The following ROBO1 variants were observed in gnomAD, a reference collection of about 807,000 sequenced individuals.
The protein encoded by ROBO1 is roundabout guidance receptor 1.
ROBO1 carries 149 observed loss-of-function variants against 195.9 expected under a neutral mutation model. The ratio of observed to expected loss-of-function variants is 0.76; its 90% CI spans 0.67 to 0.87. The LOEUF (loss-of-function observed/expected upper bound fraction) is 0.87. ROBO1 is among the 40% of genes least tolerant of loss of function. The probability of loss-of-function intolerance (pLI) is 0.00; values close to 1 mark genes in which losing one functional copy is unlikely to be tolerated. For missense variants in ROBO1, 1,933 were observed against 2,068.3 expected, an observed-to-expected ratio of 0.93 and a Z score of 1.27; for synonymous variants, 816 against 733.2, an observed-to-expected ratio of 1.11 and a Z score of -1.82.
intron 2 of ROBO1, among the ~76,000 whole-genome samples, chr3:79,284,627 G>A (rs561620244): frequency 6.6e-6 from 1 of 152,134 alleles, no homozygotes; most frequent in Admixed American, 6.5e-5. Context: ...CTGAAAAGGA[G>A]CATTGAGAAA....
At chr3:78,714,243 AAT>A (rs545651879) in intron 8 of ROBO1, among the ~76,000 whole-genome samples, 152 bp downstream of exon 8, 4 of 152,334 alleles carry the variant, frequency 2.6e-5, no homozygotes, top group Admixed American at 2.6e-4. Context: ...TAGGCAAAAC[AAT>A]ATGTGTTCTT....
intron 2 of ROBO1, among the ~76,000 whole-genome samples, chr3:79,334,330 A>ATATG (rs1553721975): frequency 1.4e-5 from 2 of 144,744 alleles, no homozygotes; most frequent in African/African-American, 2.5e-5. Context: ...ATATATATAT[A>ATATG]TGTGTATATA....
intron 2 of ROBO1, chr3:79,533,198 C>A (rs1029625469): frequency 2.5e-5 from 6 of 242,094 alleles, no homozygotes; most frequent in East Asian, 2.7e-4. Flanking sequence ...TGATTTAGAT[C>A]TTTGAGGACT....
At chr3:78,788,440 T>TTA (rs1553728992) in intron 4 of ROBO1, among the ~76,000 whole-genome samples, 1,068 of 75,714 alleles carry the variant, frequency 0.014, 12 homozygotes, top group East Asian at 0.029. Context: ...TTTTTTTTTT[T>TTA]AAAAAAAAAA....
intron 4 of ROBO1, among the ~76,000 whole-genome samples, chr3:78,756,452 T>C (rs184329849): frequency 1.3e-5 from 2 of 152,202 alleles, no homozygotes; most frequent in Admixed American, 1.3e-4. Flanking sequence ...CTTTCACATA[T>C]GTAAAGCATA....
intron 1 of ROBO1, among the ~76,000 whole-genome samples, chr3:79,667,283 A>G (rs1318555251): frequency 1.3e-5 from 2 of 151,960 alleles, no homozygotes; most frequent in Non-Finnish European, 1.5e-5. Context: ...GAGATATGAT[A>G]TGAATATTCT....
At chr3:79,237,002 G>T (rs2082418277) in intron 2 of ROBO1, among the ~76,000 whole-genome samples, 1 of 151,948 alleles carries the variant, frequency 6.6e-6, no homozygotes, top group Admixed American at 6.6e-5. Context: ...AAAATATAAT[G>T]AATTTGAGCA....
chr3:79,080,358 G>T (rs529538162), intron 3 of ROBO1, among the ~76,000 whole-genome samples: 1 of 151,718 alleles, frequency 6.6e-6, no homozygotes, highest in East Asian at 1.9e-4. Flanking sequence ...TGTGTTTCTA[G>T]CCACTCACAT....
chr3:79,378,619 A>AT (rs1392323794), intron 2 of ROBO1, among the ~76,000 whole-genome samples: 1 of 152,208 alleles, frequency 6.6e-6, no homozygotes, highest in Non-Finnish European at 1.5e-5. Context: ...CTGTAAAATT[A>AT]TGTTATTTCT....
intron 1 of ROBO1, among the ~76,000 whole-genome samples, chr3:79,761,203 G>A (rs867597572): frequency 6.7e-6 from 1 of 148,498 alleles, no homozygotes; most frequent in Non-Finnish European, 1.5e-5. Flanking sequence ...ACACTATATT[G>A]CAATGAATAT....
chr3:79,025,614 A>G (rs958088712), intron 3 of ROBO1, among the ~76,000 whole-genome samples: 2 of 146,614 alleles, frequency 1.4e-5, no homozygotes, highest in African/African-American at 5.1e-5. Flanking sequence ...TCTCTAATAT[A>G]TAGTTCAACC....
At chr3:78,686,603 T>C (rs541206117) in intron 9 of ROBO1, among the ~76,000 whole-genome samples, 70 of 151,590 alleles carry the variant, frequency 4.6e-4, no homozygotes, top group Admixed American at 1.8e-3. Context: ...AATGTTGACA[T>C]ATTTAGCAAA....
chr3:79,748,760 C>T (rs1462871123), intron 1 of ROBO1, among the ~76,000 whole-genome samples: 1 of 152,118 alleles, frequency 6.6e-6, no homozygotes, highest in South Asian at 2.1e-4. Context: ...CCTGCACGAG[C>T]TCTTTGCTGT....
rs145674540 is a variant in ROBO1 at position 79,620,935 on chromosome 3, C to T, written c.-50-30974G>A. Among the ~76,000 whole-genome samples the T allele has an allele frequency of 7.5e-3, 1,149 of 152,278 alleles. 16 individuals carry two copies. Among genetic ancestry groups the T allele is most frequent in the African/African-American group, 0.024 (1,006 of 41,564 alleles). ...CCAGAAACTGGACAAATCTTACAGGCTGGTCCAGGATCTTTGCCTTATCAA... is the reference window on the plus strand; with the variant it reads ...CCAGAAACTGGACAAATCTTACAGGTTGGTCCAGGATCTTTGCCTTATCAA... On this transcript the variant is annotated intron_variant, in intron 1 of 30. Coordinates refer to ENST00000464233, the MANE Select transcript of ROBO1 (RefSeq NM_002941.4).
intron 10 of ROBO1, among the ~76,000 whole-genome samples, chr3:78,684,671 T>C (rs529301527): frequency 9.2e-5 from 14 of 152,066 alleles, no homozygotes; most frequent in Non-Finnish European, 1.9e-4. Flanking sequence ...CTCTGGGAGT[T>C]GATGAAGACA....
intron 2 of ROBO1, among the ~76,000 whole-genome samples, chr3:79,391,955 C>T (rs540662302): frequency 2.2e-4 from 34 of 152,244 alleles, no homozygotes; most frequent in Admixed American, 1.2e-3. Context: ...CTGAGACTTT[C>T]GAATTGGTAT....
intron 4 of ROBO1, among the ~76,000 whole-genome samples, chr3:78,824,226 GT>G (rs2031347795): frequency 6.6e-6 from 1 of 152,136 alleles, no homozygotes; most frequent in Non-Finnish European, 1.5e-5. Context: ...ACCTTAGTCT[GT>G]GACAAGAGAT....
chr3:78,875,694 A>G (rs775359407), intron 4 of ROBO1, among the ~76,000 whole-genome samples: 9 of 152,088 alleles, frequency 5.9e-5, no homozygotes, highest in Admixed American at 2.6e-4. Context: ...TCCAAACATC[A>G]GAACATTCAT....
intron 3 of ROBO1, among the ~76,000 whole-genome samples, chr3:78,952,600 T>C (rs1345175694): frequency 6.6e-6 from 1 of 151,900 alleles, no homozygotes; most frequent in Non-Finnish European, 1.5e-5. Context: ...TTACTCACTG[T>C]GCAGAGTAGA....
Sources: gnomAD v4.1 joint callset for allele counts (sites outside exome capture counted in the v4.1 genomes callset) on GRCh38, gnomAD v4.1.1 for gene constraint, MANE v1.5 for transcripts, NCBI Gene and HGNC (gene_info 2026-07-23, HGNC 2026-07-21) for gene names.